CCDC7: variants seen among roughly 807,000 people sequenced by gnomAD.
CCDC7 encodes the protein coiled-coil domain containing 7, also known as coiled-coil domain-containing protein 7.
Under a neutral mutation model 196.9 loss-of-function variants are expected in CCDC7, and 183 were observed. The observed-to-expected ratio is 0.93, with a 90% CI of 0.82 to 1.05. CCDC7 has a LOEUF of 1.05. CCDC7 is among the 50% of genes least tolerant of loss of function. The pLI is 0.00. For missense variants in CCDC7, 1,540 were observed against 1,482.2 expected, an observed-to-expected ratio of 1.04 and a Z score of -0.64; for synonymous variants, 525 against 484.6, an observed-to-expected ratio of 1.08 and a Z score of -1.10.
In CCDC7 at chr10:32,814,458, G is replaced by A; in HGVS notation, c.3181+5G>A. The A allele has an allele frequency of 1.3e-6, 2 of 1,590,610 alleles. No homozygotes were observed. The highest frequency in any genetic ancestry group is 1.3e-5 in the African/African-American group (1 of 74,516). ...CACGATCAAAGAGTCTCCCTGGTAA[G>A]AACAAAAACTTTACACATTTAGTAT... On this transcript the variant is annotated splice_donor_5th_base_variant and intron_variant, in intron 31 of 41. Coordinates refer to ENST00000639629, the Ensembl canonical transcript of CCDC7.
At chr10:32,693,552 T>A (rs1253471623) in intron 23 of CCDC7, among the ~76,000 whole-genome samples, 2 of 152,228 alleles carry the variant, frequency 1.3e-5, no homozygotes, top group Admixed American at 1.3e-4. Flanking sequence ...TTACAGTTGT[T>A]TGTACCACAT....
chr10:32,466,881 TC>T (rs1156332912), intron 5 of CCDC7, among the ~76,000 whole-genome samples: 1 of 152,194 alleles, frequency 6.6e-6, no homozygotes, highest in Non-Finnish European at 1.5e-5. Context: ...TAATTTATAC[TC>T]CCACCAACAA....
Position 32,667,994 on chromosome 10 carries a change from C to T in CCDC7, c.2122+3833C>T, listed in dbSNP as rs1363264484. Among the ~76,000 whole-genome samples the T allele has an allele frequency of 3.9e-5, 6 of 152,028 alleles. No homozygotes were observed. The South Asian group carries it at 6.2e-4, about 16-fold the overall frequency. ...ATTTTCACGATATTGATTCTTCCTGCCCATGAGTATGGGATGTTCTTCCAT... is the reference window on the plus strand; with the variant it reads ...ATTTTCACGATATTGATTCTTCCTGTCCATGAGTATGGGATGTTCTTCCAT... On this transcript the variant is annotated intron_variant, in intron 21 of 41. Transcript: ENST00000639629.
intron 20 of CCDC7, among the ~76,000 whole-genome samples, chr10:32,639,491 G>C (rs577931776): frequency 6.6e-6 from 1 of 152,036 alleles, no homozygotes; most frequent in African/African-American, 2.4e-5. Context: ...CCTTCATTTC[G>C]TTATGTACCC....
chr10:32,729,503 AG>A, intron 28 of CCDC7, 46 bp downstream of exon 29: 3 of 977,172 alleles, frequency 3.1e-6, no homozygotes, highest in Non-Finnish European at 4.4e-6. Context: ...TATTAAATTC[AG>A]GAGAAATTTG....
chr10:32,701,815 A>G (rs1387251677), intron 24 of CCDC7, among the ~76,000 whole-genome samples: 6 of 152,074 alleles, frequency 3.9e-5, no homozygotes, highest in South Asian at 2.1e-4. Context: ...AGAGGTGTTT[A>G]TAGTATTCTC....
intron 13 of CCDC7, among the ~76,000 whole-genome samples, chr10:32,547,396 C>T (rs2052651305): frequency 1.3e-5 from 2 of 152,068 alleles, no homozygotes; most frequent in African/African-American, 4.8e-5. Flanking sequence ...ATAGGAGTGA[C>T]ATCCTCTCAC....
chr10:32,465,123 T>TTTA (rs78274962), intron 5 of CCDC7, among the ~76,000 whole-genome samples: 16 of 150,342 alleles, frequency 1.1e-4, no homozygotes, highest in Non-Finnish European at 1.5e-4. Flanking sequence ...TTTTTTTTTT[T>TTTA]AAAGTATTCA....
chr10:32,704,476 A>C (rs1158531961), intron 24 of CCDC7, among the ~76,000 whole-genome samples: 1 of 152,154 alleles, frequency 6.6e-6, no homozygotes, highest in Non-Finnish European at 1.5e-5. Flanking sequence ...TTGAGGAGGC[A>C]GTCAGTCCAT....
At chr10:32,511,634 A>G in intron 9 of CCDC7, 1 of 1,581,514 alleles carries the variant, frequency 6.3e-7, no homozygotes, top group African/African-American at 1.3e-5. Context: ...AGAAACAGAC[A>G]TCGTGGTCTT....
At chr10:32,767,041 C>G (rs2078424573) in intron 28 of CCDC7, among the ~76,000 whole-genome samples, 1 of 152,072 alleles carries the variant, frequency 6.6e-6, no homozygotes, top group Admixed American at 6.6e-5. Context: ...CTGCCAGGCT[C>G]TTTTCAACAA....
At chr10:32,750,706 C>T (rs2075525497) in intron 28 of CCDC7, among the ~76,000 whole-genome samples, 1 of 152,252 alleles carries the variant, frequency 6.6e-6, no homozygotes, top group Admixed American at 6.5e-5. Flanking sequence ...CTCTTTGAAA[C>T]ATACAGTAAC....
At chr10:32,859,711 TA>T (rs2093899518) in intron 41 of CCDC7, among the ~76,000 whole-genome samples, 2 of 151,836 alleles carry the variant, frequency 1.3e-5, no homozygotes, top group African/African-American at 4.8e-5. Flanking sequence ...ATAGATGCAA[TA>T]AAAAATGATA....
intron 20 of CCDC7, among the ~76,000 whole-genome samples, chr10:32,658,008 T>A (rs2070347779): frequency 6.6e-6 from 1 of 152,292 alleles, no homozygotes; most frequent in Admixed American, 6.5e-5. Flanking sequence ...GAACAACTTC[T>A]TCATCTCCAT....
At chr10:32,543,581 A>T (rs1249962686) in intron 12 of CCDC7, among the ~76,000 whole-genome samples, 196 bp downstream of exon 13, 1 of 152,114 alleles carries the variant, frequency 6.6e-6, no homozygotes, top group Non-Finnish European at 1.5e-5. Flanking sequence ...CAAAGAACCA[A>T]AAATGGACTG....
intron 18 of CCDC7, among the ~76,000 whole-genome samples, chr10:32,603,384 C>T (rs1292356223): frequency 1.3e-5 from 2 of 152,044 alleles, no homozygotes; most frequent in Non-Finnish European, 2.9e-5. Flanking sequence ...CATTTCTTAG[C>T]TATTGTGAAT....
At chr10:32,629,657 A>G (rs2064560396) in intron 18 of CCDC7, among the ~76,000 whole-genome samples, 1 of 152,130 alleles carries the variant, frequency 6.6e-6, no homozygotes, top group South Asian at 2.1e-4. Context: ...CTTTGAAGCA[A>G]GCCAGAGAAG....
At chr10:32,768,137 T>C (rs1443656901) in intron 28 of CCDC7, among the ~76,000 whole-genome samples, 1 of 152,166 alleles carries the variant, frequency 6.6e-6, no homozygotes, top group Non-Finnish European at 1.5e-5. Context: ...ATTTAAATAT[T>C]ACAAGTATGT....
chr10:32,562,116 C>T (rs1460012141), intron 13 of CCDC7, among the ~76,000 whole-genome samples: 2 of 152,172 alleles, frequency 1.3e-5, no homozygotes, highest in Non-Finnish European at 2.9e-5. Context: ...AGTTGAATCT[C>T]TGAATAGACG....
Sources: allele counts gnomAD v4.1 joint callset (sites outside exome capture counted in the v4.1 genomes callset), GRCh38; gene constraint gnomAD v4.1.1; transcripts MANE v1.5; gene names NCBI Gene and HGNC (gene_info 2026-07-23, HGNC 2026-07-21).